The following TAFA2 variants were observed in gnomAD, a reference collection of about 807,000 sequenced individuals.
TAFA2 encodes chemokine-like protein TAFA-2.
A neutral mutation model predicts 18.8 loss-of-function variants in TAFA2; 7 were observed. The observed-to-expected ratio is 0.37, with a 90% CI of 0.21 to 0.70. TAFA2 has a LOEUF of 0.70. Among genes scored for constraint, TAFA2 ranks in the 30% least tolerant of loss-of-function variants. The pLI, the probability that TAFA2 is intolerant of heterozygous loss-of-function variation, is 0.53. For synonymous variants in TAFA2, 60 were observed against 54.2 expected (o/e 1.11, Z -0.47); for missense variants, 122 against 158.1 (o/e 0.77, Z 1.23).
chr12:62,127,380 T>G (rs1870507067), intron 1 of TAFA2, among the ~76,000 whole-genome samples: 1 of 152,088 alleles, frequency 6.6e-6, no homozygotes, highest in Admixed American at 6.6e-5. Flanking sequence ...CTTTATTTTT[T>G]GTAGAAATTG....
intron 4 of TAFA2, among the ~76,000 whole-genome samples, chr12:61,726,127 C>T (rs1870155558): frequency 6.6e-6 from 1 of 150,978 alleles, no homozygotes; most frequent in Non-Finnish European, 1.5e-5. Context: ...GAAATGTTTT[C>T]AGGGACTCTT....
chr12:61,898,727 A>C (rs1447165569), intron 1 of TAFA2, among the ~76,000 whole-genome samples: 1 of 152,174 alleles, frequency 6.6e-6, no homozygotes, highest in Admixed American at 6.5e-5. Flanking sequence ...CCTGCAGGGA[A>C]GGTCTCTGAC....
intron 2 of TAFA2, among the ~76,000 whole-genome samples, chr12:61,807,043 G>T (rs1387012300): frequency 2.7e-5 from 4 of 146,324 alleles, no homozygotes; most frequent in Non-Finnish European, 5.9e-5. Flanking sequence ...ATTTCCATAA[G>T]TAACAAGGAG....
intron 2 of TAFA2, among the ~76,000 whole-genome samples, chr12:61,786,959 A>G (rs1011637866): frequency 6.6e-6 from 1 of 151,588 alleles, no homozygotes; most frequent in South Asian, 2.1e-4. Context: ...AAATGAATAA[A>G]GAACAAATGG....
At chr12:61,899,697 A>G (rs1876012478) in intron 1 of TAFA2, among the ~76,000 whole-genome samples, 1 of 152,226 alleles carries the variant, frequency 6.6e-6, no homozygotes, top group African/African-American at 2.4e-5. Flanking sequence ...ACACAGAGCC[A>G]AACCATATCA....
chr12:62,047,824 T>G (rs1881949277), intron 1 of TAFA2, among the ~76,000 whole-genome samples: 1 of 152,144 alleles, frequency 6.6e-6, no homozygotes, highest in African/African-American at 2.4e-5. Context: ...AATGCCAGAA[T>G]GCATCTAAAT....
At chr12:62,172,687 T>C (rs2062486441) in intron 1 of TAFA2, among the ~76,000 whole-genome samples, 1 of 152,184 alleles carries the variant, frequency 6.6e-6, no homozygotes, top group Non-Finnish European at 1.5e-5. Flanking sequence ...ACAGGTAAAA[T>C]GCTCAGTATA....
chr12:62,174,625 TA>T (rs2062500032), intron 1 of TAFA2, among the ~76,000 whole-genome samples: 1 of 152,168 alleles, frequency 6.6e-6, no homozygotes, highest in South Asian at 2.1e-4. Context: ...AAAGATAATT[TA>T]ATAAAGGGTC....
chr12:62,190,278 A>G lies in TAFA2; in HGVS notation c.-2+981T>C, dbSNP rs189753319. Among the ~76,000 whole-genome samples the G allele has an allele frequency of 1.4e-3, 218 of 152,280 alleles. 1 individual carries two copies. Among genetic ancestry groups the G allele is most frequent in the Middle Eastern group, 3.4e-3 (1 of 294 alleles). On this transcript the variant is annotated intron_variant, in intron 1 of 4. Transcript: ENST00000416284. ...TCTTCCTTTTCAGACAGGATAACTC[A>G]ACCTGCAGTTCTGAGAGAAATAGGG...
intron 1 of TAFA2, among the ~76,000 whole-genome samples, chr12:62,015,248 CTCTG>C (rs1379287322): frequency 1.3e-5 from 2 of 152,184 alleles, no homozygotes; most frequent in Non-Finnish European, 2.9e-5. Flanking sequence ...TAAACTAGGG[CTCTG>C]TAAGTCCAAG....
intron 1 of TAFA2, among the ~76,000 whole-genome samples, chr12:61,876,331 G>C (rs1354149837): frequency 1.3e-5 from 2 of 152,146 alleles, no homozygotes; most frequent in East Asian, 3.9e-4. Context: ...AAAAGTGAGT[G>C]AGAACAACGA....
At chr12:61,918,009 A>AT (rs1387491668) in intron 1 of TAFA2, among the ~76,000 whole-genome samples, 5 of 151,788 alleles carry the variant, frequency 3.3e-5, no homozygotes, top group African/African-American at 1.2e-4. Context: ...AACCATGCTT[A>AT]TTTATTTTTT....
At chr12:61,902,890 A>G (rs1265006502) in intron 1 of TAFA2, among the ~76,000 whole-genome samples, 1 of 115,748 alleles carries the variant, frequency 8.6e-6, no homozygotes, top group Non-Finnish European at 1.7e-5. Context: ...CCACCATCCA[A>G]CCTAGCCAAA....
chr12:61,832,263 C>T (rs1268876112), intron 2 of TAFA2, among the ~76,000 whole-genome samples: 1 of 152,048 alleles, frequency 6.6e-6, no homozygotes, highest in Non-Finnish European at 1.5e-5. Flanking sequence ...TACCTGCTTC[C>T]CTTGCAAAGC....
In TAFA2 at chr12:61,864,375, T is replaced by TATACCATATAG. The variant is rs1874255315; in HGVS notation, c.106+2934_106+2944dup. Among the ~76,000 whole-genome samples, 3 of 149,232 alleles carry TATACCATATAG rather than the reference T, an allele frequency of 2.0e-5. No homozygotes were observed. The Admixed American group carries it at 2.0e-4, about 10-fold the overall frequency. Reference sequence around the variant, plus strand: ...ATATTTCTATATATATATACCTATATATACCATATAGAAATATATGGTGTG... The same window carrying TATACCATATAG: ...ATATTTCTATATATATATACCTATATATACCATATAGATACCATATAGAAATATATGGTGTG... On this transcript the variant is annotated intron_variant, in intron 2 of 4. Coordinates refer to ENST00000416284, the MANE Select transcript of TAFA2 (RefSeq NM_178539.5).
chr12:61,891,769 G>A (rs1165536051), intron 1 of TAFA2, among the ~76,000 whole-genome samples: 1 of 152,066 alleles, frequency 6.6e-6, no homozygotes, highest in East Asian at 1.9e-4. Context: ...GAAATAGAGA[G>A]AAGGCAGTGT....
intron 1 of TAFA2, chr12:62,023,684 G>A (rs1057061307): frequency 1.3e-5 from 2 of 151,876 alleles, no homozygotes; most frequent in African/African-American, 2.4e-5. Context: ...ACACAGAGAG[G>A]GAATGATGGC....
At chr12:61,979,732 A>G (rs939162920) in intron 1 of TAFA2, among the ~76,000 whole-genome samples, 1 of 152,074 alleles carries the variant, frequency 6.6e-6, no homozygotes, top group Non-Finnish European at 1.5e-5. Context: ...AAAGAGAAAC[A>G]ACACTGCTGC....
intron 1 of TAFA2, among the ~76,000 whole-genome samples, chr12:62,167,258 T>A (rs2136936788): frequency 6.6e-6 from 1 of 152,288 alleles, no homozygotes; most frequent in South Asian, 2.1e-4. Context: ...CTTCTCTGAA[T>A]ATGTCTTGTT....
Sources: allele counts gnomAD v4.1 joint callset (sites outside exome capture counted in the v4.1 genomes callset), GRCh38; gene constraint gnomAD v4.1.1; transcripts MANE v1.5; gene names NCBI Gene and HGNC (gene_info 2026-07-23, HGNC 2026-07-21).